The following ROR2 variants were observed in gnomAD, a reference collection of about 807,000 sequenced individuals.
The protein encoded by ROR2 is tyrosine-protein kinase transmembrane receptor ROR2.
In ROR2, 33 loss-of-function variants were observed where a neutral mutation model predicts 74.9. That is an observed-to-expected ratio of 0.44 (90% CI 0.33 to 0.59). The LOEUF (loss-of-function observed/expected upper bound fraction) is 0.59. Among genes scored for constraint, ROR2 ranks in the 20% least tolerant of loss-of-function variants. The pLI is 0.02. For synonymous variants in ROR2, 586 were observed against 558.7 expected, an observed-to-expected ratio of 1.05 and a Z score of -0.69; for missense variants, 1,216 against 1,313.8, an observed-to-expected ratio of 0.93 and a Z score of 1.15.
intron 1 of ROR2, among the ~76,000 whole-genome samples, chr9:91,810,046 A>AC (rs1292192699): frequency 1.3e-5 from 2 of 151,518 alleles, no homozygotes; most frequent in Non-Finnish European, 2.9e-5. Context: ...GCCACACATG[A>AC]CCCCCAGTCC....
intron 1 of ROR2, among the ~76,000 whole-genome samples, chr9:91,796,582 A>C (rs1827177875): frequency 1.3e-5 from 2 of 152,146 alleles, no homozygotes; most frequent in Non-Finnish European, 2.9e-5. Context: ...TTCCAGTGTG[A>C]CTAAGCTATG....
chr9:91,901,579 G>T lies in ROR2; in HGVS notation c.97+48288C>A, dbSNP rs139651071. Among the ~76,000 whole-genome samples, 941 of 152,248 alleles carry T rather than the reference G, an allele frequency of 6.2e-3. 4 individuals are homozygous for T. Among genetic ancestry groups the T allele is most frequent in the Non-Finnish European group, 0.011 (742 of 68,018 alleles). On this transcript the variant is annotated intron_variant, in intron 1 of 8. Transcript: ENST00000375708. Reference sequence around the variant, plus strand: ...ACCTGTAATCCCAGCACTTCGGGAGGCTAAGGCAGGCGGATCATCTGAGGT... The same window carrying T: ...ACCTGTAATCCCAGCACTTCGGGAGTCTAAGGCAGGCGGATCATCTGAGGT...
chr9:91,846,544 G>T (rs1480543600), intron 1 of ROR2, among the ~76,000 whole-genome samples: 1 of 152,170 alleles, frequency 6.6e-6, no homozygotes, highest in Non-Finnish European at 1.5e-5. Flanking sequence ...TGCTTTGTCA[G>T]GGCATCTGGA....
intron 1 of ROR2, among the ~76,000 whole-genome samples, chr9:91,849,383 T>C (rs563367224): frequency 1.1e-3 from 172 of 152,244 alleles, no homozygotes; most frequent in African/African-American, 4.0e-3. Flanking sequence ...AAACGCAATC[T>C]CTTCACTTTC....
intron 1 of ROR2, among the ~76,000 whole-genome samples, chr9:91,799,554 G>A (rs1476123691): frequency 6.6e-6 from 1 of 152,170 alleles, no homozygotes. Flanking sequence ...CCCTTAGGAG[G>A]TTCTGGCCAG....
At chr9:91,802,298 G>A (rs1283516071) in intron 1 of ROR2, among the ~76,000 whole-genome samples, 2 of 151,828 alleles carry the variant, frequency 1.3e-5, no homozygotes, top group Non-Finnish European at 2.9e-5. Context: ...GGATGGTCTC[G>A]ATCTGCTGAC....
At chr9:91,762,449 G>GT (rs1554756877) in intron 2 of ROR2, among the ~76,000 whole-genome samples, 1 of 151,936 alleles carries the variant, frequency 6.6e-6, no homozygotes, top group Non-Finnish European at 1.5e-5. Context: ...TTGCCTAATT[G>GT]TTTTTTCAAC....
intron 4 of ROR2, 44 bp from the exon 5 acceptor site, chr9:91,737,562 C>T (rs2118729379): frequency 6.2e-7 from 1 of 1,613,570 alleles, no homozygotes; most frequent in Non-Finnish European, 8.5e-7. Flanking sequence ...TGGGAGGTGC[C>T]AGGTCCCGCC....
intron 1 of ROR2, among the ~76,000 whole-genome samples, chr9:91,925,794 T>A (rs991227483): frequency 9.2e-5 from 14 of 152,254 alleles, no homozygotes; most frequent in African/African-American, 2.4e-4. Context: ...GGGGGACCGA[T>A]CCTGAGGTGT....
At chr9:91,904,799 A>C (rs1205990300) in intron 1 of ROR2, among the ~76,000 whole-genome samples, 2 of 152,150 alleles carry the variant, frequency 1.3e-5, no homozygotes, top group African/African-American at 4.8e-5. Context: ...CAAGTTAATG[A>C]GGCAAAGCCT....
rs114821250 is a variant in ROR2, at chr9:91,752,642, G to C, written c.494+3429C>G. Among the ~76,000 whole-genome samples, 1,102 of 152,342 alleles carry C rather than the reference G, an allele frequency of 7.2e-3. 10 individuals are homozygous for C. The highest frequency in any genetic ancestry group is 0.025 in the African/African-American group (1,028 of 41,570). On this transcript the variant is annotated intron_variant, in intron 4 of 8. Coordinates refer to ENST00000375708, the MANE Select transcript of ROR2 (RefSeq NM_004560.4). ...GTGACAGAGATTCTGTATCTGGATAGGGTGTTTCGATTGCAGAGATTTATG... is the reference window on the plus strand; with the variant it reads ...GTGACAGAGATTCTGTATCTGGATACGGTGTTTCGATTGCAGAGATTTATG...
At chr9:91,944,622 G>A (rs1035192082) in intron 1 of ROR2, among the ~76,000 whole-genome samples, 8 of 152,052 alleles carry the variant, frequency 5.3e-5, no homozygotes, top group Non-Finnish European at 1.2e-4. Flanking sequence ...ACAACAGCTC[G>A]AAAAGAATAA....
At chr9:91,940,699 A>T (rs1304638465) in intron 1 of ROR2, among the ~76,000 whole-genome samples, 2 of 103,688 alleles carry the variant, frequency 1.9e-5, no homozygotes, top group African/African-American at 1.4e-4. Context: ...GGTCCAAGTG[A>T]TCCTCCTGTC....
rs1830792861 is a variant in ROR2 at position 91,905,559 on chromosome 9, A to G, written c.97+44308T>C. Among the ~76,000 whole-genome samples the G allele has an allele frequency of 6.6e-6, 1 of 151,572 alleles. No individual in the cohort carries two copies. The highest frequency in any genetic ancestry group is 1.5e-5 in the Non-Finnish European group (1 of 67,898). On this transcript the variant is annotated intron_variant, in intron 1 of 8. Coordinates refer to ENST00000375708, the MANE Select transcript of ROR2 (RefSeq NM_004560.4). This position sits in a 1 kb window ranked among gnomAD's most constrained non-coding sequence, Gnocchi z 5.3. Reference sequence around the variant, plus strand: ...AACATACACAGACACAATACAACACATACACAAACATACAACACATACACA... The same window carrying G: ...AACATACACAGACACAATACAACACGTACACAAACATACAACACATACACA...
chr9:91,854,630 G>A (rs1435542326), intron 1 of ROR2, among the ~76,000 whole-genome samples: 1 of 152,232 alleles, frequency 6.6e-6, no homozygotes, highest in Non-Finnish European at 1.5e-5. Context: ...GAGGTCACGT[G>A]ATAGGAGGAG....
intron 6 of ROR2, 32 bp from the exon 7 acceptor site, chr9:91,731,187 C>T (rs374196023): frequency 5.0e-6 from 8 of 1,613,322 alleles, no homozygotes; most frequent in South Asian, 2.2e-5. Flanking sequence ...GGAAAACCTC[C>T]GGGGTACAAC....
At chr9:91,924,171 A>G (rs10820918) in intron 1 of ROR2, among the ~76,000 whole-genome samples, 67,992 of 152,002 alleles carry the variant, frequency 0.45, 17,117 homozygotes, top group African/African-American at 0.67. Context: ...ACTTGAGGGC[A>G]AGGTCTTTGT....
rs373313657 is a variant in ROR2 at position 91,934,442 on chromosome 9, T to C, written c.97+15425A>G. On this transcript the variant is annotated intron_variant, in intron 1 of 8. Transcript: ENST00000375708. ...GCCCCAGCCAAAACTCCCCGAATAT[T>C]ACAAGGACCCTTCCCCCAGCAACCC... is the stretch of plus-strand genomic sequence containing the variant. 1.6e-4 allele frequency among the ~76,000 whole-genome samples: 24 copies of C among 152,176 alleles called. 1 individual carries two copies. The highest frequency in any genetic ancestry group is 5.2e-4 in the Admixed American group (8 of 15,274).
chr9:91,827,448 T>A (rs1410753094), intron 1 of ROR2, among the ~76,000 whole-genome samples: 1 of 152,242 alleles, frequency 6.6e-6, no homozygotes, highest in Admixed American at 6.5e-5. Flanking sequence ...ATGTAGCTTA[T>A]GAAATCTACT....
Sources: allele counts gnomAD v4.1 joint callset (sites outside exome capture counted in the v4.1 genomes callset), GRCh38; gene constraint gnomAD v4.1.1; non-coding constraint Gnocchi (gnomAD v3.1); transcripts MANE v1.5; gene names NCBI Gene and HGNC (gene_info 2026-07-23, HGNC 2026-07-21).